CNTNAP2: variants seen among roughly 807,000 people sequenced by gnomAD.
CNTNAP2 encodes contactin-associated protein-like 2.
A neutral mutation model predicts 155.2 loss-of-function variants in CNTNAP2; 98 were observed. That is an observed-to-expected ratio of 0.63 (90% confidence interval 0.54 to 0.75). CNTNAP2 has a LOEUF of 0.75. Ranked by LOEUF, CNTNAP2 falls within the 30% of genes least tolerant of loss-of-function variation. The pLI is 0.00. For missense variants in CNTNAP2, 1,727 were observed against 1,688.1 expected (o/e 1.02, Z -0.40); for synonymous variants, 651 against 631.2 (o/e 1.03, Z -0.47).
At chr7:147,778,463 T>A (rs1797619935) in intron 13 of CNTNAP2, among the ~76,000 whole-genome samples, 1 of 152,186 alleles carries the variant, frequency 6.6e-6, no homozygotes, top group African/African-American at 2.4e-5. Context: ...TCATTTAATG[T>A]TTATGCCATG....
chr7:146,665,783 TA>T lies in CNTNAP2; in HGVS notation c.98-108473del, dbSNP rs750837961. 3.8e-3 allele frequency among the ~76,000 whole-genome samples: 185 copies of T among 48,282 alleles called. 17 individuals are homozygous for T. Among genetic ancestry groups the T allele is most frequent in the Middle Eastern group, 0.025 (2 of 80 alleles). 31.7% of individuals were successfully genotyped at this position (48,282 alleles called of 152,430 possible). A position where few individuals can be genotyped will look rare whatever the true frequency, so the allele number is the denominator to read the frequency against. ...GCTATGGAGTGAGACTCTGTCTCATTAAAAAAAAAAAAAAATACATTTTGTA... is the reference window on the plus strand; with the variant it reads ...GCTATGGAGTGAGACTCTGTCTCATTAAAAAAAAAAAAAATACATTTTGTA... On this transcript the variant is annotated intron_variant, in intron 1 of 23. Coordinates refer to ENST00000361727, the MANE Select transcript of CNTNAP2 (RefSeq NM_014141.6).
intron 1 of CNTNAP2, among the ~76,000 whole-genome samples, chr7:146,290,566 T>G (rs1049859683): frequency 6.6e-6 from 1 of 152,230 alleles, no homozygotes; most frequent in Non-Finnish European, 1.5e-5. Flanking sequence ...TAATTACTTG[T>G]GAACTAAAAC....
chr7:148,127,187 C>T (rs774683790), intron 16 of CNTNAP2, among the ~76,000 whole-genome samples: 4 of 152,064 alleles, frequency 2.6e-5, no homozygotes, highest in Admixed American at 6.6e-5. Context: ...CCCCTGTGAT[C>T]CCAGCTACTC....
At chr7:148,399,039 G>C (rs1033483097) in intron 22 of CNTNAP2, among the ~76,000 whole-genome samples, 4 of 152,122 alleles carry the variant, frequency 2.6e-5, no homozygotes, top group African/African-American at 9.7e-5. Context: ...TTGCTAATAA[G>C]GAAACCACAA....
chr7:146,975,217 C>A (rs372400184), intron 3 of CNTNAP2, among the ~76,000 whole-genome samples: 1 of 152,052 alleles, frequency 6.6e-6, no homozygotes, highest in Admixed American at 6.6e-5. Context: ...GTAATCCCAG[C>A]AGTTTGGGAG....
chr7:147,055,111 C>A (rs988689469), intron 4 of CNTNAP2, among the ~76,000 whole-genome samples: 5 of 152,146 alleles, frequency 3.3e-5, no homozygotes, highest in African/African-American at 1.2e-4. Context: ...CATCTGAATA[C>A]TCTACCCTCA....
chr7:147,176,793 AT>A (rs1802353829), intron 8 of CNTNAP2, among the ~76,000 whole-genome samples: 1 of 122,726 alleles, frequency 8.1e-6, no homozygotes, highest in Non-Finnish European at 1.6e-5. Flanking sequence ...TTATAATTAT[AT>A]ATTATAATAT....
intron 21 of CNTNAP2, among the ~76,000 whole-genome samples, chr7:148,349,062 C>A (rs1032120304): frequency 6.6e-6 from 1 of 151,934 alleles, no homozygotes; most frequent in South Asian, 2.1e-4. Context: ...AAGAAAGATT[C>A]GAAGCCCCTG....
At chr7:148,068,476 G>A (rs1318457884) in intron 15 of CNTNAP2, among the ~76,000 whole-genome samples, 1 of 152,202 alleles carries the variant, frequency 6.6e-6, no homozygotes, top group Non-Finnish European at 1.5e-5. Context: ...TATGTGTTCA[G>A]AAGTGGACTT....
chr7:146,280,453 A>G (rs1254211147), intron 1 of CNTNAP2, among the ~76,000 whole-genome samples: 1 of 152,014 alleles, frequency 6.6e-6, no homozygotes, highest in Non-Finnish European at 1.5e-5. Context: ...TCTGTCATCA[A>G]TACTTGCCTT....
intron 21 of CNTNAP2, among the ~76,000 whole-genome samples, chr7:148,295,497 T>C (rs1797263167): frequency 8.2e-6 from 1 of 121,562 alleles, no homozygotes; most frequent in Admixed American, 7.5e-5. Flanking sequence ...TTTAATCAAT[T>C]TTTTTTTTTT....
intron 21 of CNTNAP2, among the ~76,000 whole-genome samples, chr7:148,330,703 G>T (rs542109394): frequency 6.6e-6 from 1 of 151,106 alleles, no homozygotes; most frequent in African/African-American, 2.4e-5. Flanking sequence ...TGGACGGATG[G>T]AGTGGGTGAA....
intron 3 of CNTNAP2, among the ~76,000 whole-genome samples, chr7:146,940,107 A>G (rs891722173): frequency 2.6e-5 from 4 of 152,222 alleles, no homozygotes; most frequent in African/African-American, 7.2e-5. Context: ...AGAATTTTAC[A>G]TCTATACTGC....
intron 22 of CNTNAP2, among the ~76,000 whole-genome samples, chr7:148,385,542 G>A (rs1481167934): frequency 6.6e-6 from 1 of 152,124 alleles, no homozygotes; most frequent in African/African-American, 2.4e-5. Context: ...GCCTGAGGCT[G>A]TGAGCACCTG....
intron 12 of CNTNAP2, among the ~76,000 whole-genome samples, chr7:147,601,644 A>AT (rs1554410012): frequency 1.5e-3 from 128 of 87,444 alleles, no homozygotes; most frequent in South Asian, 3.7e-3. Flanking sequence ...CTTAAAAAAA[A>AT]ATATATATAT....
intron 1 of CNTNAP2, among the ~76,000 whole-genome samples, chr7:146,485,654 G>A (rs564326254): frequency 5.3e-5 from 8 of 152,122 alleles, no homozygotes; most frequent in Admixed American, 1.3e-4. Flanking sequence ...ACAGGGTCTC[G>A]CTCTGCCATC....
At chr7:147,747,909 C>A (rs1315319272) in intron 13 of CNTNAP2, among the ~76,000 whole-genome samples, 1 of 152,176 alleles carries the variant, frequency 6.6e-6, no homozygotes, top group Non-Finnish European at 1.5e-5. Context: ...CCATCCTGCC[C>A]ATTTTGAGAT....
At chr7:147,195,773 G>C (rs1233345215) in intron 8 of CNTNAP2, among the ~76,000 whole-genome samples, 1 of 152,056 alleles carries the variant, frequency 6.6e-6, no homozygotes, top group African/African-American at 2.4e-5. Context: ...TGTATCCTGA[G>C]ACTTGGCTGA....
At chr7:148,017,295 C>T (rs896517513) in intron 15 of CNTNAP2, among the ~76,000 whole-genome samples, 3 of 152,146 alleles carry the variant, frequency 2.0e-5, no homozygotes, top group African/African-American at 7.2e-5. Context: ...GTGGTAACAG[C>T]AGTTATGAAA....
Sources: gnomAD v4.1 joint callset for allele counts (sites outside exome capture counted in the v4.1 genomes callset) on GRCh38, gnomAD v4.1.1 for gene constraint, MANE v1.5 for transcripts, NCBI Gene and HGNC (gene_info 2026-07-23, HGNC 2026-07-21) for gene names.